OGFRL1: variants seen among roughly 807,000 people sequenced by gnomAD.
The protein encoded by OGFRL1 is opioid growth factor receptor-like protein 1.
A neutral mutation model predicts 32.4 loss-of-function variants in OGFRL1; 26 were observed. That is an observed-to-expected ratio of 0.80 (90% confidence interval 0.59 to 1.11). The LOEUF is 1.11. Ranked by LOEUF, OGFRL1 falls within the 50% of genes most tolerant of loss-of-function variation. The pLI, the probability that OGFRL1 is intolerant of heterozygous loss-of-function variation, is 0.00. For synonymous variants in OGFRL1, 211 were observed against 201.2 expected (o/e 1.05, Z -0.41); for missense variants, 521 against 546.4 (o/e 0.95, Z 0.46).
At position 71,304,436 on chromosome 6, in the gene OGFRL1, T is replaced by C. The variant is rs1348752948; in HGVS notation, c.*2387T>C. The C allele has an allele frequency of 2.0e-5, 3 of 152,150 alleles. No homozygotes were observed. Among genetic ancestry groups the C allele is most frequent in the Admixed American group, 6.5e-5 (1 of 15,268 alleles). 9.4% of individuals were successfully genotyped at this position (152,150 alleles called of 1,614,324 possible). A position where few individuals can be genotyped will look rare whatever the true frequency, so the allele number is the denominator to read the frequency against. On this transcript the variant is annotated 3_prime_UTR_variant, in exon 7 of 7. Transcript: ENST00000370435. ...GAAGCGATTGTCAAATTAGGCTGAA[T>C]TGTAGAACACAAATAATTTAATTCA...
chr6:71,305,405 G>A lies in OGFRL1; in HGVS notation c.*3356G>A, dbSNP rs1007750431. On this transcript the variant is annotated 3_prime_UTR_variant, in exon 7 of 7. Coordinates refer to ENST00000370435, the MANE Select transcript of OGFRL1 (RefSeq NM_024576.5). ...TGTACCATTATACATTTTCATTCTC[G>A]ATCTCATAAGAAATTCAAAAGAATA... The A allele has an allele frequency of 6.6e-6, 1 of 151,880 alleles. No individual in the cohort carries two copies. 9.4% of individuals were successfully genotyped at this position (151,880 alleles called of 1,614,324 possible). A position where few individuals can be genotyped will look rare whatever the true frequency, so the allele number is the denominator to read the frequency against.
chr6:71,289,097 CG>C lies in OGFRL1; in HGVS notation c.163del (p.Glu55SerfsTer64). On this transcript the variant is annotated frameshift_variant, in exon 1 of 7. Coordinates refer to ENST00000370435, the MANE Select transcript of OGFRL1 (RefSeq NM_024576.5). LOFTEE classifies it high-confidence loss of function. ...GAGTCCGAGCAGCCCGCGCAGCCCC[CG>C]GAGCAAGCCGGCGGGCGGCCCGGCG... ...GQESEQPAQPPEQAGGRPGAS... is the reference protein window; with the variant it reads ...GQESEQPAQPXEQAGGRPGAS... 9.0e-7 allele frequency: 1 copy of C among 1,116,938 alleles called. No individual in the cohort carries two copies. The highest frequency in any genetic ancestry group is 4.1e-5 in the South Asian group (1 of 24,248). 69.2% of individuals were successfully genotyped at this position (1,116,938 alleles called of 1,614,324 possible).
rs572295313 is a variant in OGFRL1, at chr6:71,306,270, T to G, written c.*4221T>G. ...AATTAGGAGTGTACATTTGCTGGCT[T>G]CTTTTTGAGTTTTGTACTGTTTATT... On this transcript the variant is annotated 3_prime_UTR_variant, in exon 7 of 7. Coordinates refer to ENST00000370435, the MANE Select transcript of OGFRL1 (RefSeq NM_024576.5). 8.5e-5 allele frequency: 13 copies of G among 152,222 alleles called. No individual in the cohort carries two copies. The highest frequency in any genetic ancestry group is 8.5e-4 in the Admixed American group (13 of 15,282). The allele number at this position is 152,222 out of a possible 1,614,324, so 9.4% of individuals were successfully genotyped here. A position where few individuals can be genotyped will look rare whatever the true frequency, so the allele number is the denominator to read the frequency against.
intron 6 of OGFRL1, among the ~76,000 whole-genome samples, chr6:71,299,192 T>G (rs1266118008): frequency 6.6e-6 from 1 of 152,164 alleles, no homozygotes; most frequent in Non-Finnish European, 1.5e-5. Context: ...TTTACCTACC[T>G]AGACTTCTTG....
intron 3 of OGFRL1, chr6:71,295,795 C>A (rs1766187517): frequency 6.6e-6 from 1 of 152,158 alleles, no homozygotes; most frequent in Non-Finnish European, 1.5e-5. Flanking sequence ...TATTTCTACT[C>A]CCCTTTCTTT....
In OGFRL1 at chr6:71,302,234, T is replaced by C. The variant is rs1031321472; in HGVS notation, c.*185T>C. On this transcript the variant is annotated 3_prime_UTR_variant, in exon 7 of 7. Transcript: ENST00000370435. ...ATGAATTGAATATCTAATAAGGAGATTTAAGATAAGACCCAATAAATGAAT... is the reference window on the plus strand; with the variant it reads ...ATGAATTGAATATCTAATAAGGAGACTTAAGATAAGACCCAATAAATGAAT... 4.4e-6 allele frequency: 2 copies of C among 458,020 alleles called. No homozygotes were observed. Among genetic ancestry groups the C allele is most frequent in the Non-Finnish European group, 7.4e-6 (2 of 268,718 alleles). 28.4% of individuals were successfully genotyped at this position (458,020 alleles called of 1,614,324 possible). A position where few individuals can be genotyped will look rare whatever the true frequency, so the allele number is the denominator to read the frequency against.
At position 71,301,585 on chromosome 6, in the gene OGFRL1, C is replaced by A; in HGVS notation, c.892C>A (p.Arg298=). 1 of 1,614,148 alleles carries A rather than the reference C, an allele frequency of 6.2e-7. No individual in the cohort carries two copies. Among genetic ancestry groups the A allele is most frequent in the Non-Finnish European group, 8.5e-7 (1 of 1,180,032 alleles). Residue 298 remains arginine (R), a synonymous_variant, in exon 7 of 7, where the codon CGG becomes AGG. Transcript: ENST00000370435. ...CAGAAGAGAAAGGAGAAAGCTCCTG[C>A]GGTTCGCCCAGAAACACTACACGCC... ...RDRRERRKLL[R]FAQKHYTPSE...
At position 71,301,948 on chromosome 6, in the gene OGFRL1, G is replaced by A; in HGVS notation, c.1255G>A (p.Glu419Lys). ...KTVTTPTEKK[E>K]SVSPENNEEG... Reference sequence around the variant, plus strand: ...AGTTACTACTCCCACAGAAAAAAAGGAGAGTGTATCTCCTGAGAATAACGA... The same window carrying A: ...AGTTACTACTCCCACAGAAAAAAAGAAGAGTGTATCTCCTGAGAATAACGA... The change falls in exon 7 of 7, where the codon GAG (glutamate) becomes AAG (lysine). Residue 419 changes from glutamate to lysine, a missense_variant. Glu to Lys is a moderately conservative substitution (Grantham distance 56). Transcript: ENST00000370435. 2 of 1,613,450 alleles carry A rather than the reference G, an allele frequency of 1.2e-6. No homozygotes were observed. Among genetic ancestry groups the A allele is most frequent in the Non-Finnish European group, 8.5e-7 (1 of 1,179,892 alleles).
chr6:71,294,748 A>T (rs762952262), intron 3 of OGFRL1, among the ~76,000 whole-genome samples: 7 of 152,182 alleles, frequency 4.6e-5, no homozygotes, highest in African/African-American at 7.2e-5. Flanking sequence ...ACTAATGGAA[A>T]AATATTGGCC....
rs963496749 is a variant in OGFRL1 at position 71,306,927 on chromosome 6, A to G, written c.*4878A>G. The G allele has an allele frequency of 6.6e-6, 1 of 152,218 alleles. No homozygotes were observed. Among genetic ancestry groups the G allele is most frequent in the Non-Finnish European group, 1.5e-5 (1 of 68,038 alleles). 9.4% of individuals were successfully genotyped at this position (152,218 alleles called of 1,614,324 possible). A position where few individuals can be genotyped will look rare whatever the true frequency, so the allele number is the denominator to read the frequency against. ...TAGGCAGTTGGAGAAATCTGAAACTAATTTGAAAAACTTTTATGCTGTAGT... is the reference window on the plus strand; with the variant it reads ...TAGGCAGTTGGAGAAATCTGAAACTGATTTGAAAAACTTTTATGCTGTAGT... On this transcript the variant is annotated 3_prime_UTR_variant, in exon 7 of 7. Coordinates refer to ENST00000370435, the MANE Select transcript of OGFRL1 (RefSeq NM_024576.5).
chr6:71,301,543 G>C lies in OGFRL1; in HGVS notation c.850G>C (p.Val284Leu), dbSNP rs1314221032. 2 of 1,614,030 alleles carry C rather than the reference G, an allele frequency of 1.2e-6. No individual in the cohort carries two copies. The highest frequency in any genetic ancestry group is 1.7e-6 in the Non-Finnish European group (2 of 1,180,046). ...NIKQSALEYF[V>L]YTIRDRRERR... is the part of the protein sequence containing the mutation. ...TAAGCAGAGTGCTCTAGAGTATTTT[G>C]TTTATACAATTAGAGACAGAAGAGA... Residue 284 changes from valine to leucine, a missense_variant, in exon 7 of 7, where the codon GTT becomes CTT. By Grantham distance (32) the Val-to-Leu change is conservative. Coordinates refer to ENST00000370435, the MANE Select transcript of OGFRL1 (RefSeq NM_024576.5).
chr6:71,301,103 A>G (rs763372780), intron 6 of OGFRL1, among the ~76,000 whole-genome samples: 6 of 152,208 alleles, frequency 3.9e-5, no homozygotes, highest in Admixed American at 1.3e-4. Flanking sequence ...GACAGTGGTA[A>G]TAAATTTAAA....
intron 6 of OGFRL1, among the ~76,000 whole-genome samples, chr6:71,301,007 T>C (rs144231484): frequency 2.0e-5 from 3 of 152,334 alleles, no homozygotes; most frequent in African/African-American, 7.2e-5. Context: ...TTACCTCTGA[T>C]GAGTACAGTA....
At position 71,300,775 on chromosome 6, in the gene OGFRL1, G is replaced by A. The variant is rs114464141; in HGVS notation, c.693-611G>A. Among the ~76,000 whole-genome samples, 1,100 of 152,236 alleles carry A rather than the reference G, an allele frequency of 7.2e-3. 9 individuals carry two copies. Among genetic ancestry groups the A allele is most frequent in the African/African-American group, 0.025 (1,055 of 41,558 alleles). Reference sequence around the variant, plus strand: ...TTAGCTGCTAAGTTACAGAGCCAGGGTGTGAACTCAGGTCTGACTCCAAAG... The same window carrying A: ...TTAGCTGCTAAGTTACAGAGCCAGGATGTGAACTCAGGTCTGACTCCAAAG... On this transcript the variant is annotated intron_variant, in intron 6 of 6. Transcript: ENST00000370435.
intron 5 of OGFRL1, 47 bp downstream of exon 5, chr6:71,296,608 G>T (rs910266408): frequency 5.6e-6 from 9 of 1,606,496 alleles, no homozygotes; most frequent in African/African-American, 2.7e-5. Context: ...AAATAATATT[G>T]CTATTTCACT....
At position 71,289,051 on chromosome 6, in the gene OGFRL1, G is replaced by GGCA; in HGVS notation, c.118_120dup (p.Ser40dup). 1 of 1,288,434 alleles carries GGCA rather than the reference G, an allele frequency of 7.8e-7. No homozygotes were observed. Among genetic ancestry groups the GGCA allele is most frequent in the South Asian group, 1.7e-5 (1 of 58,710 alleles). The allele number at this position is 1,288,434 out of a possible 1,614,324, so 79.8% of individuals were successfully genotyped here. ...GCCCGAAGAACCAGGGCCGGGCGGC[G>GGCA]GCAGCGAGGGCCCGGGGCAGGAGTC... On this transcript the variant is annotated inframe_insertion, in exon 1 of 7. Coordinates refer to ENST00000370435, the MANE Select transcript of OGFRL1 (RefSeq NM_024576.5).
At chr6:71,293,827 G>A (rs1766124317) in intron 3 of OGFRL1, among the ~76,000 whole-genome samples, 1 of 152,102 alleles carries the variant, frequency 6.6e-6, no homozygotes, top group Non-Finnish European at 1.5e-5. Flanking sequence ...TTTGTGACAG[G>A]AAGAGAGAGG....
rs1766421899 is a variant in OGFRL1 at position 71,302,227 on chromosome 6, A to AAGGAGATTTAAG, written c.*180_*191dup. The AAGGAGATTTAAG allele has an allele frequency of 2.1e-6, 1 of 474,520 alleles. No homozygotes were observed. The highest frequency in any genetic ancestry group is 4.9e-5 in the South Asian group (1 of 20,232). The allele number at this position is 474,520 out of a possible 1,614,324, so 29.4% of individuals were successfully genotyped here. A position where few individuals can be genotyped will look rare whatever the true frequency, so the allele number is the denominator to read the frequency against. On this transcript the variant is annotated 3_prime_UTR_variant, in exon 7 of 7. Coordinates refer to ENST00000370435, the MANE Select transcript of OGFRL1 (RefSeq NM_024576.5). Reference sequence around the variant, plus strand: ...GATGACAATGAATTGAATATCTAATAAGGAGATTTAAGATAAGACCCAATA... The same window carrying AAGGAGATTTAAG: ...GATGACAATGAATTGAATATCTAATAAGGAGATTTAAGAGGAGATTTAAGATAAGACCCAATA...
chr6:71,301,593 C>T lies in OGFRL1; in HGVS notation c.900C>T (p.Ala300=). The T allele has an allele frequency of 6.2e-7, 1 of 1,614,080 alleles. No individual in the cohort carries two copies. Among genetic ancestry groups the T allele is most frequent in the Non-Finnish European group, 8.5e-7 (1 of 1,180,024 alleles). ...AAAGGAGAAAGCTCCTGCGGTTCGC[C>T]CAGAAACACTACACGCCTTCAGAGA... is the stretch of plus-strand genomic sequence containing the variant. ...RRERRKLLRF[A]QKHYTPSENF... The change falls in exon 7 of 7, where the codon GCC becomes GCT. Residue 300 remains alanine, a synonymous_variant. Transcript: ENST00000370435.
Sources: gnomAD v4.1 joint callset for allele counts (sites outside exome capture counted in the v4.1 genomes callset) on GRCh38, gnomAD v4.1.1 for gene constraint, MANE v1.5 for transcripts, NCBI Gene and HGNC (gene_info 2026-07-23, HGNC 2026-07-21) for gene names.